The following SCNN1B variants were observed in gnomAD, a reference collection of about 807,000 sequenced individuals.
The protein encoded by SCNN1B is epithelial sodium channel subunit beta.
SCNN1B carries 46 observed loss-of-function variants against 65.3 expected under a neutral mutation model. The observed-to-expected ratio is 0.70, with a 90% confidence interval of 0.56 to 0.90. The LOEUF (loss-of-function observed/expected upper bound fraction) is 0.90, where lower values mean the gene tolerates loss of function less well. SCNN1B is among the 40% of genes least tolerant of loss of function. The probability of loss-of-function intolerance (pLI) is 0.00; values close to 1 mark genes in which losing one functional copy is unlikely to be tolerated. For missense variants in SCNN1B, 751 were observed against 830.5 expected (o/e 0.90, Z 1.18); for synonymous variants, 349 against 330.6 (o/e 1.06, Z -0.60).
At chr16:23,372,392 A>G (rs1036755454) in intron 7 of SCNN1B, among the ~76,000 whole-genome samples, 1 of 152,166 alleles carries the variant, frequency 6.6e-6, no homozygotes, top group African/African-American at 2.4e-5. Context: ...AACTTTCACA[A>G]CAACCCTAAG....
chr16:23,303,949 C>A, intron 1 of SCNN1B: 1 of 810,002 alleles, frequency 1.2e-6, no homozygotes, highest in African/African-American at 1.7e-5. Context: ...AGAAATGGTA[C>A]AACCCACCTA....
intron 4 of SCNN1B, among the ~76,000 whole-genome samples, chr16:23,365,859 G>T (rs1184156216): frequency 6.6e-6 from 1 of 152,250 alleles, no homozygotes; most frequent in Admixed American, 6.5e-5. Flanking sequence ...TCTGTTGACA[G>T]TGGCAGAGCT....
intron 2 of SCNN1B, among the ~76,000 whole-genome samples, chr16:23,352,225 AG>A (rs1348256254): frequency 6.6e-6 from 1 of 152,218 alleles, no homozygotes; most frequent in Non-Finnish European, 1.5e-5. Flanking sequence ...GCTCATTAAA[AG>A]TTGGTGAATG....
rs1029845040 is a variant in SCNN1B at position 23,380,856 on chromosome 16, G to A, written c.*55G>A. 6.3e-7 allele frequency: 1 copy of A among 1,596,660 alleles called. No individual in the cohort carries two copies. Among genetic ancestry groups the A allele is most frequent in the Non-Finnish European group, 8.6e-7 (1 of 1,167,084 alleles). On this transcript the variant is annotated 3_prime_UTR_variant, in exon 13 of 13. Transcript: ENST00000343070. This position sits in a 1 kb window ranked among gnomAD's most constrained non-coding sequence, Gnocchi z 5.4. ...AACTCACTGAGCAGCCAAGACTGTT[G>A]CCCGAGGCCTCACTGTATGGTGCCC...
intron 1 of SCNN1B, among the ~76,000 whole-genome samples, chr16:23,305,546 AT>A (rs1239573767): frequency 1.2e-4 from 4 of 32,244 alleles, no homozygotes; most frequent in Admixed American, 6.7e-4. Context: ...ATATATATAT[AT>A]ATATATATAT....
intron 1 of SCNN1B, among the ~76,000 whole-genome samples, chr16:23,346,071 C>T (rs1421722314): frequency 6.6e-6 from 1 of 152,068 alleles, no homozygotes; most frequent in Non-Finnish European, 1.5e-5. Flanking sequence ...CCCTCTCATG[C>T]ATATGGGAAA....
chr16:23,297,088 C>T (rs1178213484), intron 2 of SCNN1B, among the ~76,000 whole-genome samples: 2 of 152,034 alleles, frequency 1.3e-5, no homozygotes, highest in East Asian at 1.9e-4. Flanking sequence ...AGCCAGAGAC[C>T]CAGCGCCTGG....
chr16:23,301,431 A>G (rs1337268088), upstream of SCNN1B, among the ~76,000 whole-genome samples: 1 of 147,526 alleles, frequency 6.8e-6, no homozygotes, highest in Non-Finnish European at 1.5e-5. Context: ...GAGAGAGAGA[A>G]AGAAAGGAAA....
intron 2 of SCNN1B, among the ~76,000 whole-genome samples, chr16:23,349,141 CTG>C (rs942007941): frequency 9.3e-5 from 14 of 151,272 alleles, no homozygotes; most frequent in African/African-American, 3.4e-4. Context: ...CTCCTCCTCT[CTG>C]TCTTTCCATT....
chr16:23,332,265 G>A (rs958871000), intron 1 of SCNN1B, among the ~76,000 whole-genome samples: 46 of 151,286 alleles, frequency 3.0e-4, no homozygotes, highest in Admixed American at 2.8e-3. Context: ...GTGTGATCTC[G>A]ACTCACTGAA....
chr16:23,375,895 G>A (rs376534873), intron 8 of SCNN1B, 40 bp downstream of exon 8: 59 of 1,318,574 alleles, frequency 4.5e-5, no homozygotes, highest in South Asian at 3.4e-4. Context: ...CAGCCATCTG[G>A]GGCCACAGAG....
intron 1 of SCNN1B, among the ~76,000 whole-genome samples, chr16:23,282,223 A>G (rs1291849764): frequency 1.3e-5 from 2 of 152,232 alleles, no homozygotes; most frequent in Non-Finnish European, 2.9e-5. Flanking sequence ...ATCCATAAAA[A>G]TAGAAAATTT....
intron 1 of SCNN1B, among the ~76,000 whole-genome samples, chr16:23,311,766 A>G (rs1168220027): frequency 1.3e-5 from 2 of 152,092 alleles, no homozygotes; most frequent in South Asian, 4.2e-4. Context: ...TGGGGAGGGG[A>G]AATGTGAAAA....
intron 3 of SCNN1B, among the ~76,000 whole-genome samples, chr16:23,354,713 T>C (rs937504024): frequency 6.6e-6 from 1 of 152,204 alleles, no homozygotes; most frequent in African/African-American, 2.4e-5. Flanking sequence ...ACTGTGTGTG[T>C]GCGTGCGTGT....
chr16:23,282,633 CT>C (rs1310271190), intron 1 of SCNN1B, among the ~76,000 whole-genome samples: 1 of 152,144 alleles, frequency 6.6e-6, no homozygotes, highest in African/African-American at 2.4e-5. Flanking sequence ...TGAGAACTAG[CT>C]AAAACAGGGC....
At chr16:23,371,676 G>T in intron 6 of SCNN1B, 100 bp from the exon 7 acceptor site, 1 of 1,135,398 alleles carries the variant, frequency 8.8e-7, no homozygotes, top group African/African-American at 1.5e-5. Context: ...ACCTGCAGGG[G>T]TCCACAGCCC....
intron 4 of SCNN1B, among the ~76,000 whole-genome samples, chr16:23,359,691 C>T (rs984012361): frequency 4.6e-5 from 7 of 151,890 alleles, no homozygotes; most frequent in African/African-American, 1.7e-4. Context: ...AAAATGTGAG[C>T]CGCATGTGGA....
At position 23,349,544 on chromosome 16, in the gene SCNN1B, T is replaced by C. The variant is rs565176789; in HGVS notation, c.311+634T>C. ...CAGCCTGGGTAACAGATGCTATCTCTTAAAAATAAAAAAATCATAAGTTTC... is the reference window on the plus strand; with the variant it reads ...CAGCCTGGGTAACAGATGCTATCTCCTAAAAATAAAAAAATCATAAGTTTC... On this transcript the variant is annotated intron_variant, in intron 2 of 12. Coordinates refer to ENST00000343070, the MANE Select transcript of SCNN1B (RefSeq NM_000336.3). Among the ~76,000 whole-genome samples, 81 of 152,152 alleles carry C rather than the reference T, an allele frequency of 5.3e-4. No individual in the cohort carries two copies. The South Asian group carries it at 5.6e-3, about 11-fold the overall frequency.
chr16:23,366,471 C>T (rs1343432099), intron 4 of SCNN1B, among the ~76,000 whole-genome samples: 2 of 151,912 alleles, frequency 1.3e-5, no homozygotes, highest in Admixed American at 1.3e-4. Context: ...CAGTGGCTCA[C>T]GCCTGTAATC....
Sources: allele counts gnomAD v4.1 joint callset (sites outside exome capture counted in the v4.1 genomes callset), GRCh38; gene constraint gnomAD v4.1.1; non-coding constraint Gnocchi (gnomAD v3.1); transcripts MANE v1.5; gene names NCBI Gene and HGNC (gene_info 2026-07-23, HGNC 2026-07-21).